Variants in NKTR observed in about 807,000 individuals in gnomAD.
NKTR encodes natural killer cell triggering receptor.
NKTR carries 67 observed loss-of-function variants against 156.3 expected under a neutral mutation model. That is an observed-to-expected ratio of 0.43 (90% confidence interval 0.35 to 0.53). The LOEUF (loss-of-function observed/expected upper bound fraction) is 0.53, where lower values mean the gene tolerates loss of function less well. Ranked by LOEUF, NKTR falls within the 20% of genes least tolerant of loss-of-function variation. NKTR has a pLI of 0.01. For synonymous variants in NKTR, 640 were observed against 596.6 expected, an observed-to-expected ratio of 1.07 and a Z score of -1.06; for missense variants, 1,604 against 1,730.9, an observed-to-expected ratio of 0.93 and a Z score of 1.30.
At chr3:42,621,152 A>T in intron 5 of NKTR, 1 of 1,021,594 alleles carries the variant, frequency 9.8e-7, no homozygotes, top group South Asian at 4.6e-5. Flanking sequence ...AATATCATTT[A>T]GCCAAAGTAT....
chr3:42,636,747 G>A (rs745905342), intron 12 of NKTR, 121 bp from the exon 13 acceptor site: 12 of 1,354,694 alleles, frequency 8.9e-6, no homozygotes, highest in Admixed American at 5.5e-5. Flanking sequence ...TCTGATTCAC[G>A]CTTCCTGCGT....
chr3:42,607,051 ATTAG>A (rs59816115), intron 2 of NKTR, among the ~76,000 whole-genome samples: 38,364 of 151,838 alleles, frequency 0.25, 5,313 homozygotes, highest in East Asian at 0.47. Flanking sequence ...GATACCTTGT[ATTAG>A]TTAGGCTAAA....
Position 42,639,031 on chromosome 3 carries a change from G to A in NKTR, c.3327G>A (p.Gln1109=). The change falls in exon 13 of 17, where the codon CAG becomes CAA. Residue 1109 remains glutamine (Q), a synonymous_variant. Transcript: ENST00000232978. ...EENVACLQNI[Q]HVEESVPNGV... is the part of the protein sequence containing the mutation. Reference sequence around the variant, plus strand: ...ATGTGGCCTGTTTACAAAACATTCAGCACGTTGAAGAAAGTGTTCCCAATG... The same window carrying A: ...ATGTGGCCTGTTTACAAAACATTCAACACGTTGAAGAAAGTGTTCCCAATG... The A allele has an allele frequency of 1.2e-6, 2 of 1,613,882 alleles. No homozygotes were observed. The highest frequency in any genetic ancestry group is 1.7e-6 in the Non-Finnish European group (2 of 1,179,878).
intron 5 of NKTR, 87 bp downstream of exon 5, chr3:42,619,795 TTA>T (rs1230057763): frequency 6.4e-7 from 1 of 1,553,922 alleles, no homozygotes; most frequent in African/African-American, 1.4e-5. Context: ...AGAGGTTTAC[TTA>T]TAGTTCACTT....
intron 4 of NKTR, 111 bp from the exon 5 acceptor site, chr3:42,619,553 C>A: frequency 6.5e-7 from 1 of 1,542,416 alleles, no homozygotes. Context: ...ATTATTGCAG[C>A]AGTTATAACA....
At position 42,643,891 on chromosome 3, in the gene NKTR, C is replaced by T. The variant is rs751428003; in HGVS notation, c.4200-11C>T. ...GGGAAAATTTAGTGTTTGTTGTTGC[C>T]GTTAAAGCAGGTCCTACACCTACGA... On this transcript the variant is annotated splice_polypyrimidine_tract_variant and intron_variant, in intron 15 of 16. Coordinates refer to ENST00000232978, the MANE Select transcript of NKTR (RefSeq NM_005385.4). 3.4e-5 allele frequency: 55 copies of T among 1,600,236 alleles called. No homozygotes were observed. Among genetic ancestry groups the T allele is most frequent in the East Asian group, 1.8e-4 (8 of 44,790 alleles).
In NKTR at chr3:42,601,034, C is replaced by T; in HGVS notation, c.28C>T (p.His10Tyr). ...GGGGGCGCAGGACCGGCCGCAGTGC[C>T]ACTTCGACATCGAGATCAACCGGGA... MGAQDRPQC[H>Y]FDIEINREPV... The change falls in exon 2 of 17, where the codon CAC becomes TAC. Residue 10 changes from histidine (H) to tyrosine (Y), a missense_variant. His to Tyr is a moderately conservative substitution (Grantham distance 83). Transcript: ENST00000232978. 1.3e-6 allele frequency: 2 copies of T among 1,583,120 alleles called. No individual in the cohort carries two copies. Among genetic ancestry groups the T allele is most frequent in the Non-Finnish European group, 1.7e-6 (2 of 1,167,586 alleles).
At chr3:42,642,257 A>G (rs1041170766) in intron 13 of NKTR, among the ~76,000 whole-genome samples, 4 of 152,062 alleles carry the variant, frequency 2.6e-5, no homozygotes, top group African/African-American at 9.7e-5. Flanking sequence ...GGTGTTATAA[A>G]TCAGGCTTCT....
At chr3:42,621,373 T>C in intron 5 of NKTR, 56 bp from the exon 6 acceptor site, 1 of 1,565,438 alleles carries the variant, frequency 6.4e-7, no homozygotes, top group Non-Finnish European at 8.6e-7. Flanking sequence ...TACTTGAACA[T>C]TACTTTAAAG....
At chr3:42,619,370 C>T (rs62248848) in intron 4 of NKTR, 128,816 of 1,184,296 alleles carry the variant, frequency 0.11, 7,940 homozygotes, top group Middle Eastern at 0.2. Flanking sequence ...TAGTGAATTC[C>T]TTTACAATGA....
At position 42,628,280 on chromosome 3, in the gene NKTR, G is replaced by A. The variant is rs540376796; in HGVS notation, c.375-2266G>A. The A allele has an allele frequency of 1.2e-4, 114 of 985,330 alleles. No homozygotes were observed. The East Asian group carries it at 0.011, about 98-fold the overall frequency. The allele number at this position is 985,330 out of a possible 1,614,324, so 61.0% of individuals were successfully genotyped here. ...AGTTGTCCTTGAAATAGTCATTCGT[G>A]TCTTCATTTGTTTTCTGCACTACTG... On this transcript the variant is annotated intron_variant, in intron 6 of 16. Coordinates refer to ENST00000232978, the MANE Select transcript of NKTR (RefSeq NM_005385.4).
rs372327216 is a variant in NKTR at position 42,639,361 on chromosome 3, C to T, written c.3657C>T (p.Ile1219=). Residue 1219 remains isoleucine (I), a synonymous_variant, in exon 13 of 17, where the codon ATC becomes ATT. Transcript: ENST00000232978. ...GKKEVAEKSQ[I]NLIDKKWKPL... ...AGGAGGTGGCTGAGAAGAGCCAGAT[C>T]AACCTCATTGATAAGAAATGGAAGC... 6.2e-7 allele frequency: 1 copy of T among 1,613,948 alleles called. No homozygotes were observed. The highest frequency in any genetic ancestry group is 1.7e-5 in the Admixed American group (1 of 59,988).
chr3:42,611,732 C>CA (rs67202574), intron 2 of NKTR, among the ~76,000 whole-genome samples: 37,948 of 108,374 alleles, frequency 0.35, 5,952 homozygotes, highest in East Asian at 0.61. Flanking sequence ...GACTCTGTCT[C>CA]AAAAAAAAAA....
chr3:42,620,515 T>G, intron 5 of NKTR: 1 of 983,900 alleles, frequency 1.0e-6, no homozygotes, highest in Non-Finnish European at 1.2e-6. Flanking sequence ...TCTTTTATAT[T>G]TCCTTTGGGG....
Position 42,638,467 on chromosome 3 carries a change from G to A in NKTR, c.2763G>A (p.Glu921=), listed in dbSNP as rs1299998066. The A allele has an allele frequency of 6.2e-7, 1 of 1,611,418 alleles. No homozygotes were observed. The highest frequency in any genetic ancestry group is 1.7e-5 in the Admixed American group (1 of 59,386). Residue 921 remains glutamate (E), a synonymous_variant, in exon 13 of 17, where the codon GAG becomes GAA. Transcript: ENST00000232978. The stretch of plus-strand genomic sequence containing the variant: ...AGGCCACATCCGATTCTGAATCAGA[G>A]GTTAGTGAAATTCACATCAAAGTCA... ...EGEATSDSES[E]VSEIHIKVKP...
chr3:42,620,687 C>CT (rs1367666556), intron 5 of NKTR: 9 of 984,146 alleles, frequency 9.1e-6, no homozygotes, highest in Admixed American at 6.2e-5. Flanking sequence ...TAAAATAACT[C>CT]TAAGTGATCT....
chr3:42,639,047 G>T lies in NKTR; in HGVS notation c.3343G>T (p.Val1115Phe). 4 of 1,614,110 alleles carry T rather than the reference G, an allele frequency of 2.5e-6. No individual in the cohort carries two copies. The highest frequency in any genetic ancestry group is 3.4e-6 in the Non-Finnish European group (4 of 1,179,994). ...AAACATTCAGCACGTTGAAGAAAGT[G>T]TTCCCAATGGAGTGGAAGATGTGCT... Reference protein sequence around the residue: ...LQNIQHVEESVPNGVEDVLQT... With the variant: ...LQNIQHVEESFPNGVEDVLQT... The change falls in exon 13 of 17, where the codon GTT (valine) becomes TTT (phenylalanine). Residue 1115 changes from valine (V) to phenylalanine (F), a missense_variant. By Grantham distance (50) the Val-to-Phe change is conservative. Transcript: ENST00000232978.
intron 13 of NKTR, among the ~76,000 whole-genome samples, chr3:42,641,909 G>A (rs1577589033): frequency 6.6e-6 from 1 of 151,748 alleles, no homozygotes; most frequent in Non-Finnish European, 1.5e-5. Context: ...TGATGTACCA[G>A]TGCCACCCCT....
In NKTR at chr3:42,600,977, C is replaced by T. The variant is rs1559542728; in HGVS notation, c.-23-7C>T. On this transcript the variant is annotated splice_polypyrimidine_tract_variant and splice_region_variant and intron_variant, in intron 1 of 16. Coordinates refer to ENST00000232978, the MANE Select transcript of NKTR (RefSeq NM_005385.4). ...GCCCTGACCGCTTTTCTCCCCCTCT[C>T]TCCCAGCTCTTGCCGCCACCTCGGT... 5 of 1,529,650 alleles carry T rather than the reference C, an allele frequency of 3.3e-6. No homozygotes were observed. Among genetic ancestry groups the T allele is most frequent in the African/African-American group, 1.4e-5 (1 of 71,478 alleles). The allele number at this position is 1,529,650 out of a possible 1,614,324, so 94.8% of individuals were successfully genotyped here. A position where few individuals can be genotyped will look rare whatever the true frequency, so the allele number is the denominator to read the frequency against.
Sources: allele counts gnomAD v4.1 joint callset (sites outside exome capture counted in the v4.1 genomes callset), GRCh38; gene constraint gnomAD v4.1.1; transcripts MANE v1.5; gene names NCBI Gene and HGNC (gene_info 2026-07-23, HGNC 2026-07-21).